Variants in VGLL4 observed in about 807,000 individuals in gnomAD.
The protein encoded by VGLL4 is vestigial like family member 4.
A neutral mutation model predicts 21.0 loss-of-function variants in VGLL4; 7 were observed. The ratio of observed to expected loss-of-function variants is 0.33; its 90% confidence interval spans 0.19 to 0.63. The LOEUF (loss-of-function observed/expected upper bound fraction) is 0.63. VGLL4 is among the 20% of genes least tolerant of loss of function. The probability of loss-of-function intolerance (pLI) is 0.78; values close to 1 mark genes in which losing one functional copy is unlikely to be tolerated. For synonymous variants in VGLL4, 222 were observed against 173.2 expected, an observed-to-expected ratio of 1.28 and a Z score of -2.21; for missense variants, 394 against 425.7, an observed-to-expected ratio of 0.93 and a Z score of 0.66.
intron 2 of VGLL4, among the ~76,000 whole-genome samples, chr3:11,578,583 A>T: frequency 6.6e-6 from 1 of 150,390 alleles, no homozygotes; most frequent in Non-Finnish European, 1.5e-5. Flanking sequence ...CCCTGACTGA[A>T]CTCAGAAACT....
chr3:11,691,155 GT>G (rs1331122870), intron 2 of VGLL4, among the ~76,000 whole-genome samples: 2 of 150,806 alleles, frequency 1.3e-5, no homozygotes, highest in Admixed American at 1.3e-4. Flanking sequence ...GCTGAAACAG[GT>G]TGTTGTTGTT....
At chr3:11,655,755 G>A (rs529282318) in intron 2 of VGLL4, among the ~76,000 whole-genome samples, 81 of 152,274 alleles carry the variant, frequency 5.3e-4, no homozygotes, top group Middle Eastern at 3.4e-3. Context: ...GTGGCGGGGG[G>A]TTTCTAGTGA....
At chr3:11,574,785 ATGTGTGTGTGTG>A (rs375691226) in intron 2 of VGLL4, among the ~76,000 whole-genome samples, 4,294 of 121,762 alleles carry the variant, frequency 0.035, 172 homozygotes, top group Admixed American at 0.11. Flanking sequence ...TCAACTATAT[ATGTGTGTGTGTG>A]TGTGTGTGTG....
chr3:11,700,786 A>C (rs1206950563), intron 2 of VGLL4, among the ~76,000 whole-genome samples: 1 of 152,130 alleles, frequency 6.6e-6, no homozygotes, highest in Non-Finnish European at 1.5e-5. Context: ...ATCTTAGAGG[A>C]ATAAAGGAGT....
intron 2 of VGLL4, among the ~76,000 whole-genome samples, chr3:11,580,645 T>C (rs1412512236): frequency 6.6e-6 from 1 of 152,248 alleles, no homozygotes; most frequent in African/African-American, 2.4e-5. Flanking sequence ...AATTAAAGGT[T>C]TCCAAAAGGA....
chr3:11,689,844 A>G (rs1425779669), intron 2 of VGLL4, among the ~76,000 whole-genome samples: 1 of 152,226 alleles, frequency 6.6e-6, no homozygotes, highest in Non-Finnish European at 1.5e-5. Flanking sequence ...ACGGAGGCAG[A>G]GTGGGGGACA....
chr3:11,639,539 C>T (rs1370830212), intron 1 of VGLL4, among the ~76,000 whole-genome samples: 3 of 152,238 alleles, frequency 2.0e-5, no homozygotes, highest in Non-Finnish European at 4.4e-5. Context: ...GCACCCAGGA[C>T]GGGGCATGAC....
At chr3:11,707,669 G>A (rs2076781766) in intron 1 of VGLL4, among the ~76,000 whole-genome samples, 1 of 152,062 alleles carries the variant, frequency 6.6e-6, no homozygotes, top group Non-Finnish European at 1.5e-5. Context: ...GAGCAACACA[G>A]AAATTTGGAA....
intron 2 of VGLL4, chr3:11,702,743 A>AC: frequency 3.8e-6 from 1 of 264,202 alleles, no homozygotes; most frequent in Non-Finnish European, 7.2e-6. Context: ...AAAAAAAAAA[A>AC]ACAAAAAAAA....
rs1425483493 is a variant in VGLL4, at chr3:11,698,699, A to C, written c.64+4272T>G. Among the ~76,000 whole-genome samples the C allele has an allele frequency of 7.2e-5, 11 of 152,142 alleles. No homozygotes were observed. The East Asian group carries it at 1.9e-3, about 27-fold the overall frequency. ...AGCAGTGGAATGATTATTTTAAGTA[A>C]ATTTATCCCTTCCAGGCCATCCAGA... On this transcript the variant is annotated intron_variant, in intron 2 of 5. Coordinates refer to the VGLL4 transcript ENST00000273038.
At chr3:11,574,146 A>G (rs1185192503) in intron 2 of VGLL4, among the ~76,000 whole-genome samples, 6 of 152,132 alleles carry the variant, frequency 3.9e-5, no homozygotes, top group African/African-American at 1.2e-4. Context: ...TCTTACCCTA[A>G]GCCACCCCAT....
chr3:11,650,411 C>A (rs1350687588), intron 2 of VGLL4, among the ~76,000 whole-genome samples: 2 of 152,124 alleles, frequency 1.3e-5, no homozygotes, highest in African/African-American at 4.8e-5. Flanking sequence ...GTAATAAAAG[C>A]CAAATACTCT....
chr3:11,583,112 T>G (rs563286129), intron 2 of VGLL4, among the ~76,000 whole-genome samples: 1 of 152,346 alleles, frequency 6.6e-6, no homozygotes, highest in East Asian at 1.9e-4. Flanking sequence ...ACCTGCCCAC[T>G]ACCTGAGTTC....
At chr3:11,589,190 G>T (rs927840525) in intron 2 of VGLL4, among the ~76,000 whole-genome samples, 1 of 152,160 alleles carries the variant, frequency 6.6e-6, no homozygotes, top group Non-Finnish European at 1.5e-5. Context: ...TGCAGGGAGA[G>T]GATTCAACAG....
Position 11,707,544 on chromosome 3 carries a change from TA to T in VGLL4, c.-13-4498del, listed in dbSNP as rs536008674. 4.2e-3 allele frequency among the ~76,000 whole-genome samples: 583 copies of T among 140,350 alleles called. 2 individuals carry two copies. Among genetic ancestry groups the T allele is most frequent in the Middle Eastern group, 0.015 (4 of 268 alleles). 92.1% of individuals were successfully genotyped at this position (140,350 alleles called of 152,430 possible). ...AGCAAAGGTGGAAGATAACAGTTAT[TA>T]AAAAAAAAAAAAATGGTCTTCCAGG... is the stretch of plus-strand genomic sequence containing the variant. On this transcript the variant is annotated intron_variant, in intron 1 of 5. Coordinates refer to the VGLL4 transcript ENST00000273038.
chr3:11,645,598 C>T (rs1386704042), upstream of VGLL4, among the ~76,000 whole-genome samples: 3 of 32,056 alleles, frequency 9.4e-5, no homozygotes, highest in South Asian at 6.4e-4. Context: ...AGCGAGACTC[C>T]GTCTCAAAAA....
In VGLL4 at chr3:11,556,200, C is replaced by A. The variant is rs2072388232; in HGVS notation, c.*2356G>T. 6.6e-6 allele frequency: 1 copy of A among 152,510 alleles called. No individual in the cohort carries two copies. Among genetic ancestry groups the A allele is most frequent in the African/African-American group, 2.4e-5 (1 of 41,366 alleles). 9.4% of individuals were successfully genotyped at this position (152,510 alleles called of 1,614,324 possible). A position where few individuals can be genotyped will look rare whatever the true frequency, so the allele number is the denominator to read the frequency against. On this transcript the variant is annotated 3_prime_UTR_variant, in exon 5 of 5. Coordinates refer to ENST00000430365, the MANE Select transcript of VGLL4 (RefSeq NM_001128219.3). ...GAATGGTATATTACAGATTTACACA[C>A]ATGAAGAGAAGGTCAGAGCGCACTG...
chr3:11,713,750 T>C (rs1038547688), intron 1 of VGLL4, among the ~76,000 whole-genome samples: 7 of 151,744 alleles, frequency 4.6e-5, no homozygotes, highest in Non-Finnish European at 1.0e-4. Context: ...TACCCTCCAA[T>C]GTAGGCTGGA....
At chr3:11,638,357 G>A (rs528212335) in intron 1 of VGLL4, among the ~76,000 whole-genome samples, 97 of 152,088 alleles carry the variant, frequency 6.4e-4, no homozygotes, top group Non-Finnish European at 1.2e-3. Flanking sequence ...ATAATCTTTC[G>A]AGAAGCGGGC....
Sources: allele counts gnomAD v4.1 joint callset (sites outside exome capture counted in the v4.1 genomes callset), GRCh38; gene constraint gnomAD v4.1.1; transcripts MANE v1.5; gene names NCBI Gene and HGNC (gene_info 2026-07-23, HGNC 2026-07-21).